Variants in BCL11B observed in about 807,000 individuals in gnomAD.
BCL11B encodes the protein BCL11 transcription factor B.
BCL11B carries 8 observed loss-of-function variants against 49.9 expected under a neutral mutation model. The observed-to-expected ratio is 0.16, with a 90% CI of 0.09 to 0.29. BCL11B has a LOEUF of 0.29. BCL11B is among the 10% of genes least tolerant of loss of function. The probability of loss-of-function intolerance (pLI) is 1.00; values close to 1 mark genes in which losing one functional copy is unlikely to be tolerated. For synonymous variants in BCL11B, 739 were observed against 637.4 expected (o/e 1.16, Z -2.40); for missense variants, 1,006 against 1,351.0 (o/e 0.74, Z 4.00).
intron 2 of BCL11B, among the ~76,000 whole-genome samples, chr14:99,235,272 T>C (rs1237106840): frequency 2.0e-5 from 3 of 152,122 alleles, no homozygotes; most frequent in Non-Finnish European, 4.4e-5. Context: ...TCCCTACTGG[T>C]GCCTTTCAAT....
intron 3 of BCL11B, among the ~76,000 whole-genome samples, chr14:99,201,353 A>T (rs1887376294): frequency 6.6e-6 from 1 of 152,206 alleles, no homozygotes; most frequent in Non-Finnish European, 1.5e-5. Context: ...TGGTGACGGG[A>T]CAATGCTCCC....
rs77111893 is a variant in BCL11B at position 99,205,108 on chromosome 14, G to A, written c.640+26237C>T. On this transcript the variant is annotated intron_variant, in intron 3 of 3. Transcript: ENST00000357195. The surrounding 1 kb of genome is among the most constrained non-coding windows in gnomAD (Gnocchi z 5.0). The stretch of plus-strand genomic sequence containing the variant: ...ATTACTTTGAAAGGGAGCATAATAT[G>A]ATCCTTCCTTAATGGAAGCAGCTCT... Among the ~76,000 whole-genome samples, 1,054 of 152,166 alleles carry A rather than the reference G, an allele frequency of 6.9e-3. 15 individuals are homozygous for A. Among genetic ancestry groups the A allele is most frequent in the African/African-American group, 0.023 (963 of 41,492 alleles).
At position 99,174,593 on chromosome 14, in the gene BCL11B, C is replaced by T; in HGVS notation, c.2243G>A (p.Gly748Asp). The T allele has an allele frequency of 6.5e-7, 1 of 1,529,746 alleles. No homozygotes were observed. Among genetic ancestry groups the T allele is most frequent in the Admixed American group, 2.0e-5 (1 of 49,962 alleles). The allele number at this position is 1,529,746 out of a possible 1,614,324, so 94.8% of individuals were successfully genotyped here. Reference sequence around the variant, plus strand: ...GGGCGGCGTGGAGAAGCGCAGGCTGCCGTTCTCGGACGAGTGCTCGGACGA... The same window carrying T: ...GGGCGGCGTGGAGAAGCGCAGGCTGTCGTTCTCGGACGAGTGCTCGGACGA... Reference protein sequence around the residue: ...ATSSEHSSENGSLRFSTPPGD... With the variant: ...ATSSEHSSENDSLRFSTPPGD... Residue 748 changes from glycine to aspartate, a missense_variant, in exon 4 of 4, where the codon GGC (glycine) becomes GAC (aspartate). Around this residue, in one of 6 missense-constraint regions of BCL11B, gnomAD observed 443 missense variants for 499.7 expected, o/e 0.89. Transcript: ENST00000357195.
In BCL11B at chr14:99,242,961, C is replaced by T. The variant is rs899484044; in HGVS notation, c.428-11404G>A. Among the ~76,000 whole-genome samples the T allele has an allele frequency of 2.0e-5, 3 of 152,126 alleles. No homozygotes were observed. The highest frequency in any genetic ancestry group is 4.4e-5 in the Non-Finnish European group (3 of 68,036). ...GGCGGTGAGAATTTCCTCACTGGTC[C>T]GCTTTGAGTTCCTTCCTCACCGGCA... is the stretch of plus-strand genomic sequence containing the variant. On this transcript the variant is annotated intron_variant, in intron 2 of 3. Transcript: ENST00000357195. The surrounding 1 kb of genome is among the most constrained non-coding windows in gnomAD (Gnocchi z 4.4).
At chr14:99,264,934 G>GGGGGAGCAAC (rs1566836467) in intron 1 of BCL11B, among the ~76,000 whole-genome samples, 1 of 151,962 alleles carries the variant, frequency 6.6e-6, no homozygotes, top group Non-Finnish European at 1.5e-5. Context: ...GATGGAGCAA[G>GGGGGAGCAAC]AGGGGGACCG....
intron 1 of BCL11B, among the ~76,000 whole-genome samples, chr14:99,265,631 G>A (rs146819763): frequency 2.0e-5 from 3 of 152,294 alleles, no homozygotes; most frequent in South Asian, 2.1e-4. Context: ...CCAAGACTTC[G>A]AGGTCACCGT....
At position 99,228,110 on chromosome 14, in the gene BCL11B, C is replaced by T. The variant is rs540880888; in HGVS notation, c.640+3235G>A. Among the ~76,000 whole-genome samples, 4 of 152,318 alleles carry T rather than the reference C, an allele frequency of 2.6e-5. No individual in the cohort carries two copies. Among genetic ancestry groups the T allele is most frequent in the East Asian group, 1.9e-4 (1 of 5,176 alleles). On this transcript the variant is annotated intron_variant, in intron 3 of 3. Coordinates refer to ENST00000357195, the MANE Select transcript of BCL11B (RefSeq NM_138576.4). This position sits in a 1 kb window ranked among gnomAD's most constrained non-coding sequence, Gnocchi z 4.8. ...GCACGCAATTAACCTGTGTGAAACA[C>T]GTTTACACTGGGGTTCTCCATGTTA...
chr14:99,223,634 G>A (rs1020190186), intron 3 of BCL11B, among the ~76,000 whole-genome samples: 12 of 152,128 alleles, frequency 7.9e-5, no homozygotes. Context: ...TTACTCTCTC[G>A]CTTCTTCCAC....
intron 3 of BCL11B, among the ~76,000 whole-genome samples, chr14:99,178,391 G>A (rs755802929): frequency 1.3e-5 from 2 of 152,212 alleles, no homozygotes; most frequent in Non-Finnish European, 2.9e-5. Context: ...GTTCTCCCAT[G>A]AAAGAGCCCC....
rs1566789859 is a variant in BCL11B, at chr14:99,170,596, G to A, written c.*3555C>T. On this transcript the variant is annotated 3_prime_UTR_variant, in exon 4 of 4. Transcript: ENST00000357195. ...GAAAGAAAAAAAAAGGACCAATGGA[G>A]GATGAAGGATGGAGAGGAAACGCAG... 2.6e-5 allele frequency: 6 copies of A among 232,912 alleles called. No homozygotes were observed. Among genetic ancestry groups the A allele is most frequent in the East Asian group, 6.1e-5 (1 of 16,492 alleles). 14.4% of individuals were successfully genotyped at this position (232,912 alleles called of 1,614,324 possible).
intron 3 of BCL11B, among the ~76,000 whole-genome samples, chr14:99,226,291 G>T (rs1888159059): frequency 6.6e-6 from 1 of 152,212 alleles, no homozygotes; most frequent in Admixed American, 6.5e-5. Context: ...GGAATCCCAT[G>T]AGCATGTTTT....
At chr14:99,259,497 G>A (rs188152974) in intron 1 of BCL11B, among the ~76,000 whole-genome samples, 22 of 152,360 alleles carry the variant, frequency 1.4e-4, no homozygotes, top group Non-Finnish European at 2.9e-4. Flanking sequence ...AGGTAGCGAC[G>A]TAGGTATCGC....
At chr14:99,267,602 A>C (rs575767726) in intron 1 of BCL11B, among the ~76,000 whole-genome samples, 1 of 149,778 alleles carries the variant, frequency 6.7e-6, no homozygotes, top group Non-Finnish European at 1.5e-5. Flanking sequence ...TATGAAATTT[A>C]TCGGAGGCCC....
chr14:99,268,289 C>T (rs1020643243), intron 1 of BCL11B, among the ~76,000 whole-genome samples: 4 of 151,926 alleles, frequency 2.6e-5, no homozygotes, highest in South Asian at 2.1e-4. Flanking sequence ...CCCTCCCCAC[C>T]GCCACCCACC....
At chr14:99,250,209 G>A (rs1357970518) in intron 2 of BCL11B, among the ~76,000 whole-genome samples, 2 of 151,564 alleles carry the variant, frequency 1.3e-5, no homozygotes, top group Non-Finnish European at 2.9e-5. Context: ...CTAATTTTTT[G>A]TATTTTTAGT....
chr14:99,254,247 A>G (rs1453035706), intron 2 of BCL11B, among the ~76,000 whole-genome samples: 1 of 152,098 alleles, frequency 6.6e-6, no homozygotes, highest in African/African-American at 2.4e-5. Context: ...CTACCTTCCT[A>G]CTTCTCTATC....
intron 3 of BCL11B, among the ~76,000 whole-genome samples, chr14:99,230,816 C>T (rs1345845608): frequency 6.6e-6 from 1 of 152,108 alleles, no homozygotes; most frequent in Non-Finnish European, 1.5e-5. Flanking sequence ...CACTCCCTCT[C>T]GTGGCCACAG....
chr14:99,236,153 G>T (rs531098614), intron 2 of BCL11B, among the ~76,000 whole-genome samples: 1 of 152,116 alleles, frequency 6.6e-6, no homozygotes, highest in African/African-American at 2.4e-5. Context: ...AATGGGAGCC[G>T]GGAAAGATTT....
intron 3 of BCL11B, among the ~76,000 whole-genome samples, chr14:99,215,403 T>C: frequency 6.6e-6 from 1 of 152,216 alleles, no homozygotes; most frequent in Non-Finnish European, 1.5e-5. Flanking sequence ...GCAAGCTTGC[T>C]TATTTTCTCC....
Sources: gnomAD v4.1 joint callset for allele counts (sites outside exome capture counted in the v4.1 genomes callset) on GRCh38, gnomAD v4.1.1 for gene constraint, gnomAD v4.1.1 regional missense constraint, Gnocchi (gnomAD v3.1) non-coding constraint, MANE v1.5 for transcripts, NCBI Gene and HGNC (gene_info 2026-07-23, HGNC 2026-07-21) for gene names.